The following HFM1 variants were observed in gnomAD, a reference collection of about 807,000 sequenced individuals.
HFM1 encodes the protein probable ATP-dependent DNA helicase HFM1.
Under a neutral mutation model 192.1 loss-of-function variants are expected in HFM1, and 169 were observed. That is an observed-to-expected ratio of 0.88 (90% CI 0.78 to 1.00). The LOEUF (loss-of-function observed/expected upper bound fraction) is 1.00. Among genes scored for constraint, HFM1 ranks in the 50% least tolerant of loss-of-function variants. HFM1 has a pLI of 0.00. For synonymous variants in HFM1, 525 were observed against 537.8 expected (o/e 0.98, Z 0.33); for missense variants, 1,661 against 1,668.0 (o/e 1.00, Z 0.07).
intron 11 of HFM1, 123 bp from the exon 12 acceptor site, chr1:91,375,850 T>C (rs1660840665): frequency 1.5e-6 from 1 of 682,944 alleles, no homozygotes. Flanking sequence ...GTATGCTGTC[T>C]TTTTCAATAT....
chr1:91,266,040 T>G lies in HFM1; in HGVS notation c.3951A>C (p.Lys1317Asn), dbSNP rs1444684094. The change falls in exon 36 of 39, where the codon AAA (lysine) becomes AAC (asparagine). Residue 1317 changes from lysine to asparagine, a missense_variant. Lys to Asn is a moderately conservative substitution (Grantham distance 94). Transcript: ENST00000370425. ...SKLPLQESKS[K>N]FQREMSNSFV... The stretch of plus-strand genomic sequence containing the variant: ...GCCTGTTTGACATTTCTCTTTGGAA[T>G]TTGCTCTTTGACTCTTGAAGGGGTA... 4 of 1,581,364 alleles carry G rather than the reference T, an allele frequency of 2.5e-6. No individual in the cohort carries two copies. The Admixed American group carries it at 6.0e-5, about 24-fold the overall frequency.
At chr1:91,304,638 T>A (rs1248462759) in intron 30 of HFM1, among the ~76,000 whole-genome samples, 2 of 151,120 alleles carry the variant, frequency 1.3e-5, no homozygotes, top group African/African-American at 4.9e-5. Context: ...GGCTAATTTT[T>A]TTTTTTTTTT....
At chr1:91,317,049 A>T (rs1651340309) in intron 25 of HFM1, among the ~76,000 whole-genome samples, 1 of 152,110 alleles carries the variant, frequency 6.6e-6, no homozygotes, top group African/African-American at 2.4e-5. Flanking sequence ...CTTTGTCTCA[A>T]ATCTAATTTC....
intron 30 of HFM1, 126 bp downstream of exon 30, chr1:91,313,223 C>T (rs762466149): frequency 9.2e-5 from 49 of 535,126 alleles, no homozygotes; most frequent in Middle Eastern, 5.1e-4. Context: ...AATGAAATTA[C>T]TATGAAGCTT....
At chr1:91,323,454 A>G (rs1276750618) in intron 21 of HFM1, among the ~76,000 whole-genome samples, 1 of 152,218 alleles carries the variant, frequency 6.6e-6, no homozygotes, top group Non-Finnish European at 1.5e-5. Context: ...AACTTTAAAG[A>G]TTAACAAGAT....
intron 30 of HFM1, among the ~76,000 whole-genome samples, chr1:91,302,055 T>C (rs1306130070): frequency 7.2e-6 from 1 of 139,350 alleles, no homozygotes; most frequent in African/African-American, 2.7e-5. Flanking sequence ...ATATCCAGAA[T>C]CTACAATGAA....
At chr1:91,340,641 A>C in intron 20 of HFM1, among the ~76,000 whole-genome samples, 1 of 152,174 alleles carries the variant, frequency 6.6e-6, no homozygotes, top group Non-Finnish European at 1.5e-5. Context: ...ACCCCACTTA[A>C]AAGGCGCAGA....
In HFM1 at chr1:91,379,428, C is replaced by G. The variant is rs143496386; in HGVS notation, c.1007-214G>C. ...CACTGGAAGAAGAACTGTATTGAGC[C>G]ACACATAAAATATGCTAACACTGAC... On this transcript the variant is annotated intron_variant, in intron 8 of 38. Coordinates refer to ENST00000370425, the MANE Select transcript of HFM1 (RefSeq NM_001017975.6). Among the ~76,000 whole-genome samples the G allele has an allele frequency of 7.2e-5, 11 of 152,052 alleles. No individual in the cohort carries two copies. The East Asian group carries it at 1.2e-3, about 16-fold the overall frequency.
intron 13 of HFM1, among the ~76,000 whole-genome samples, chr1:91,366,883 C>T (rs1046612400): frequency 3.3e-5 from 5 of 152,194 alleles, no homozygotes; most frequent in Admixed American, 6.5e-5. Flanking sequence ...ACAGACAGCA[C>T]CTGGAAAATC....
chr1:91,274,940 G>T, intron 32 of HFM1, 131 bp from the exon 33 acceptor site: 1 of 435,646 alleles, frequency 2.3e-6, no homozygotes, highest in Non-Finnish European at 4.2e-6. Flanking sequence ...ACTCAGGTTA[G>T]TTCTTGACTC....
At chr1:91,397,555 C>CACCT (rs932723936) in intron 2 of HFM1, among the ~76,000 whole-genome samples, 3 of 152,180 alleles carry the variant, frequency 2.0e-5, no homozygotes, top group Non-Finnish European at 4.4e-5. Context: ...TCTCTCCGAG[C>CACCT]ACCTAGCACA....
At chr1:91,364,632 A>ATATATATATATTT (rs753472335) in intron 13 of HFM1, among the ~76,000 whole-genome samples, 5 of 66,814 alleles carry the variant, frequency 7.5e-5, no homozygotes, top group Non-Finnish European at 1.0e-4. Flanking sequence ...ATATATATAT[A>ATATATATATATTT]TTTTTTTTTT....
upstream of HFM1, chr1:91,404,947 C>G (rs1192266917): frequency 8.9e-6 from 4 of 447,902 alleles, no homozygotes; most frequent in Non-Finnish European, 1.3e-5. Context: ...AAGTTTATAA[C>G]TGGTTTTGAA....
intron 29 of HFM1, 35 bp downstream of exon 29, chr1:91,313,922 T>G: frequency 8.8e-7 from 1 of 1,135,920 alleles, no homozygotes; most frequent in Non-Finnish European, 1.3e-6. Flanking sequence ...ATTATATTAT[T>G]TATATTCATG....
chr1:91,294,193 G>A (rs972189333), intron 30 of HFM1, among the ~76,000 whole-genome samples: 11 of 149,772 alleles, frequency 7.3e-5, no homozygotes, highest in African/African-American at 2.5e-4. Flanking sequence ...AAAACTTAAA[G>A]TATAATAATA....
At chr1:91,318,493 G>A (rs1570932458) in intron 25 of HFM1, among the ~76,000 whole-genome samples, 1 of 152,206 alleles carries the variant, frequency 6.6e-6, no homozygotes, top group Non-Finnish European at 1.5e-5. Flanking sequence ...AAGGTCACAG[G>A]TACCAAACAG....
intron 2 of HFM1, among the ~76,000 whole-genome samples, chr1:91,400,062 G>C (rs528396770): frequency 2.8e-4 from 43 of 152,216 alleles, no homozygotes; most frequent in African/African-American, 1.0e-3. Context: ...GTAAAAGTCT[G>C]TTTCATCCTT....
intron 30 of HFM1, among the ~76,000 whole-genome samples, chr1:91,299,881 A>T (rs1477301978): frequency 6.6e-6 from 1 of 152,210 alleles, no homozygotes; most frequent in Non-Finnish European, 1.5e-5. Context: ...AGAACTAGAG[A>T]AGTAAGAGCA....
chr1:91,307,731 G>T lies in HFM1; in HGVS notation c.3391+5618C>A, dbSNP rs944069521. Among the ~76,000 whole-genome samples the T allele has an allele frequency of 2.4e-4, 36 of 152,134 alleles. 1 individual carries two copies. Among genetic ancestry groups the T allele is most frequent in the African/African-American group, 8.7e-4 (36 of 41,412 alleles). ...GGCCTCCCAAAGTGCTGGGATTATA[G>T]GCATGAGCCACTAAGCCTGGCCTTA... is the stretch of plus-strand genomic sequence containing the variant. On this transcript the variant is annotated intron_variant, in intron 30 of 38. Coordinates refer to ENST00000370425, the MANE Select transcript of HFM1 (RefSeq NM_001017975.6).
Sources: allele counts gnomAD v4.1 joint callset (sites outside exome capture counted in the v4.1 genomes callset), GRCh38; gene constraint gnomAD v4.1.1; transcripts MANE v1.5; gene names NCBI Gene and HGNC (gene_info 2026-07-23, HGNC 2026-07-21).